The following PITPNC1 variants were observed in gnomAD, a reference collection of about 807,000 sequenced individuals.
PITPNC1 encodes cytoplasmic phosphatidylinositol transfer protein 1.
In PITPNC1, 18 loss-of-function variants were observed where a neutral mutation model predicts 44.7. The observed-to-expected ratio is 0.40, with a 90% CI of 0.28 to 0.60. The LOEUF (loss-of-function observed/expected upper bound fraction) is 0.60. PITPNC1 is among the 20% of genes least tolerant of loss of function. The probability of loss-of-function intolerance (pLI) is 0.39; values close to 1 mark genes in which losing one functional copy is unlikely to be tolerated. For missense variants in PITPNC1, 290 were observed against 418.4 expected, an observed-to-expected ratio of 0.69 and a Z score of 2.68; for synonymous variants, 141 against 149.6, an observed-to-expected ratio of 0.94 and a Z score of 0.42.
At chr17:67,419,763 G>A (rs1046612556) in intron 1 of PITPNC1, among the ~76,000 whole-genome samples, 3 of 152,166 alleles carry the variant, frequency 2.0e-5, no homozygotes, top group Admixed American at 1.3e-4. Context: ...AAAATTAGTC[G>A]GGTATGGTGG....
At chr17:67,380,856 C>T (rs930508356) in intron 1 of PITPNC1, among the ~76,000 whole-genome samples, 1 of 152,102 alleles carries the variant, frequency 6.6e-6, no homozygotes, top group African/African-American at 2.4e-5. Context: ...TCACTGCAGC[C>T]TCCATCTCCT....
At chr17:67,425,594 T>C (rs1461021180) in intron 1 of PITPNC1, among the ~76,000 whole-genome samples, 1 of 151,308 alleles carries the variant, frequency 6.6e-6, no homozygotes, top group Non-Finnish European at 1.5e-5. Context: ...CAATCATGCC[T>C]CATTGCAACT....
intron 7 of PITPNC1, among the ~76,000 whole-genome samples, chr17:67,670,263 T>C (rs1291324617): frequency 6.6e-6 from 1 of 152,098 alleles, no homozygotes; most frequent in Non-Finnish European, 1.5e-5. Context: ...ATTGGACTCA[T>C]CTACTCCCAG....
At chr17:67,464,004 G>A (rs1217663340) in intron 1 of PITPNC1, among the ~76,000 whole-genome samples, 1 of 152,040 alleles carries the variant, frequency 6.6e-6, no homozygotes, top group African/African-American at 2.4e-5. Context: ...GACCAGTCTG[G>A]CCAACACAGT....
At chr17:67,428,268 G>A (rs2038801439) in intron 1 of PITPNC1, among the ~76,000 whole-genome samples, 1 of 152,164 alleles carries the variant, frequency 6.6e-6, no homozygotes, top group South Asian at 2.1e-4. Flanking sequence ...GCTGGGTGTG[G>A]TGGCTCATGT....
intron 1 of PITPNC1, among the ~76,000 whole-genome samples, chr17:67,458,536 C>G (rs2039287979): frequency 1.3e-5 from 2 of 152,198 alleles, no homozygotes; most frequent in East Asian, 3.9e-4. Context: ...ACATCTGACT[C>G]TTACTTTTTT....
rs373475470 is a variant in PITPNC1, at chr17:67,533,077, G to A, written c.197+127G>A. On this transcript the variant is annotated intron_variant, in intron 2 of 8. Transcript: ENST00000581322. ...GAAAGTAACTACGTCCACCGTCTAC[G>A]ACCACCAATCTCATTGTTTTTGAAA... 44 of 683,282 alleles carry A rather than the reference G, an allele frequency of 6.4e-5. 1 individual carries two copies. The highest frequency in any genetic ancestry group is 3.0e-4 in the East Asian group (11 of 36,220). 42.3% of individuals were successfully genotyped at this position (683,282 alleles called of 1,614,324 possible).
intron 1 of PITPNC1, among the ~76,000 whole-genome samples, chr17:67,495,037 G>GTTTTTTTTTTTTTTTTTTTTT (rs2039925221): frequency 5.0e-5 from 4 of 79,376 alleles, no homozygotes; most frequent in Non-Finnish European, 7.1e-5. Context: ...GAGCCATGGA[G>GTTTTTTTTTTTTTTTTTTTTT]TTGTTTTTTT....
At chr17:67,552,607 G>A (rs553488236) in intron 3 of PITPNC1, among the ~76,000 whole-genome samples, 5 of 151,872 alleles carry the variant, frequency 3.3e-5, no homozygotes, top group Non-Finnish European at 5.9e-5. Context: ...AGGGCCAGGC[G>A]CAGTGGCTCA....
intron 1 of PITPNC1, among the ~76,000 whole-genome samples, chr17:67,482,180 T>G (rs2039713432): frequency 6.6e-6 from 1 of 152,242 alleles, no homozygotes; most frequent in Non-Finnish European, 1.5e-5. Context: ...CACATGATCT[T>G]TAACATAAAA....
intron 8 of PITPNC1, among the ~76,000 whole-genome samples, chr17:67,684,136 G>A (rs561625008): frequency 2.3e-5 from 3 of 128,662 alleles, no homozygotes; most frequent in Admixed American, 8.6e-5. Context: ...TTTTGAGACA[G>A]AGTCTTGCTC....
In PITPNC1 at chr17:67,392,607, C is replaced by A. The variant is rs1412833875; in HGVS notation, c.48+14405C>A. On this transcript the variant is annotated intron_variant, in intron 1 of 8. Coordinates refer to ENST00000581322, the MANE Select transcript of PITPNC1 (RefSeq NM_012417.4). ...GAAATTGGAACTCTAAAAGACTTTT[C>A]AAAATTCAAAATGATCAGGAATGTT... Among the ~76,000 whole-genome samples, 3 of 151,978 alleles carry A rather than the reference C, an allele frequency of 2.0e-5. No homozygotes were observed. In the East Asian group the frequency reaches 5.8e-4, roughly 29 times the overall value.
intron 5 of PITPNC1, among the ~76,000 whole-genome samples, chr17:67,585,982 A>G (rs980568771): frequency 1.3e-5 from 2 of 152,108 alleles, no homozygotes; most frequent in African/African-American, 4.8e-5. Flanking sequence ...ACACCACCCA[A>G]TCTGTGGTGT....
chr17:67,455,607 TTTTTTTG>T (rs2039245074), intron 1 of PITPNC1, among the ~76,000 whole-genome samples: 1 of 145,988 alleles, frequency 6.8e-6, no homozygotes, highest in Non-Finnish European at 1.5e-5. Context: ...TTTTTTTTGT[TTTTTTTG>T]TATTTTTAGT....
chr17:67,578,181 C>T lies in PITPNC1; in HGVS notation c.295-5C>T. 6.2e-7 allele frequency: 1 copy of T among 1,602,296 alleles called. No homozygotes were observed. The highest frequency in any genetic ancestry group is 8.6e-7 in the Non-Finnish European group (1 of 1,169,390). On this transcript the variant is annotated splice_polypyrimidine_tract_variant and splice_region_variant and intron_variant, in intron 4 of 8. Coordinates refer to ENST00000581322, the MANE Select transcript of PITPNC1 (RefSeq NM_012417.4). The stretch of plus-strand genomic sequence containing the variant: ...TGCTAATGAAAATTTGCTTTTCTCC[C>T]ACAGTGTTCCTTTCTGCCGAAATTC...
At chr17:67,515,551 T>G (rs1444265640) in intron 1 of PITPNC1, among the ~76,000 whole-genome samples, 1 of 152,228 alleles carries the variant, frequency 6.6e-6, no homozygotes, top group Non-Finnish European at 1.5e-5. Context: ...ACTATGAATA[T>G]GCGATTCCTG....
At chr17:67,466,984 A>G (rs1237501406) in intron 1 of PITPNC1, among the ~76,000 whole-genome samples, 1 of 151,956 alleles carries the variant, frequency 6.6e-6, no homozygotes, top group Non-Finnish European at 1.5e-5. Flanking sequence ...TCTTGTGTTA[A>G]GGACCATTTG....
chr17:67,543,663 G>T (rs980346710), intron 2 of PITPNC1, among the ~76,000 whole-genome samples: 6 of 152,048 alleles, frequency 3.9e-5, no homozygotes, highest in Non-Finnish European at 7.4e-5. Flanking sequence ...TCCAATGTCC[G>T]TTGAAAATGC....
intron 4 of PITPNC1, among the ~76,000 whole-genome samples, chr17:67,575,819 T>TTCCTTCC (rs2041136289): frequency 1.8e-5 from 2 of 108,462 alleles, no homozygotes; most frequent in African/African-American, 7.2e-5. Flanking sequence ...TCTTTCTTTC[T>TTCCTTCC]TTCCTTCCTT....
Sources: allele counts gnomAD v4.1 joint callset (sites outside exome capture counted in the v4.1 genomes callset), GRCh38; gene constraint gnomAD v4.1.1; transcripts MANE v1.5; gene names NCBI Gene and HGNC (gene_info 2026-07-23, HGNC 2026-07-21).